Variants in ADAMTSL1 observed in about 807,000 individuals in gnomAD.
ADAMTSL1 encodes ADAMTS like 1, also known as ADAMTS-like protein 1.
A neutral mutation model predicts 201.8 loss-of-function variants in ADAMTSL1; 126 were observed. The observed-to-expected ratio is 0.62, with a 90% CI of 0.54 to 0.72. ADAMTSL1 has a LOEUF of 0.72. Ranked by LOEUF, ADAMTSL1 falls within the 30% of genes least tolerant of loss-of-function variation. The pLI is 0.00. For missense variants in ADAMTSL1, 2,679 were observed against 2,277.8 expected (o/e 1.18, Z -3.59); for synonymous variants, 1,121 against 903.4 (o/e 1.24, Z -4.32).
chr9:17,957,750 G>C (rs962347019), intron 1 of ADAMTSL1, among the ~76,000 whole-genome samples: 3 of 152,158 alleles, frequency 2.0e-5, no homozygotes, highest in African/African-American at 7.2e-5. Context: ...TGTAAGAAGA[G>C]GAGCAGACAT....
intron 2 of ADAMTSL1, among the ~76,000 whole-genome samples, chr9:18,171,931 T>C (rs1293650248): frequency 2.0e-5 from 3 of 152,102 alleles, no homozygotes; most frequent in African/African-American, 7.2e-5. Context: ...ATTTATTAAA[T>C]AGGGAATCCT....
At chr9:18,233,161 G>A (rs987077318) in intron 2 of ADAMTSL1, among the ~76,000 whole-genome samples, 53 of 152,174 alleles carry the variant, frequency 3.5e-4, no homozygotes, top group African/African-American at 1.1e-3. Flanking sequence ...CTTAGATTGC[G>A]GCACACACAC....
At chr9:18,405,488 G>T (rs1390031316) in intron 2 of ADAMTSL1, among the ~76,000 whole-genome samples, 1 of 152,122 alleles carries the variant, frequency 6.6e-6, no homozygotes, top group Non-Finnish European at 1.5e-5. Context: ...TACAGGTTTG[G>T]CATTGGGCCA....
intron 10 of ADAMTSL1, among the ~76,000 whole-genome samples, chr9:18,676,960 C>T (rs1156980708): frequency 6.6e-6 from 1 of 152,020 alleles, no homozygotes; most frequent in Admixed American, 6.6e-5. Context: ...ACAATCACAA[C>T]CATATACCAC....
At chr9:18,179,640 C>T (rs1485289211) in intron 2 of ADAMTSL1, among the ~76,000 whole-genome samples, 4 of 151,972 alleles carry the variant, frequency 2.6e-5, no homozygotes, top group Non-Finnish European at 5.9e-5. Flanking sequence ...GGTGGGTTAC[C>T]CTCAAAGGGA....
At chr9:18,811,798 G>C (rs1369672019) in intron 20 of ADAMTSL1, among the ~76,000 whole-genome samples, 3 of 152,128 alleles carry the variant, frequency 2.0e-5, no homozygotes, top group Non-Finnish European at 2.9e-5. Context: ...ATAGAGACTG[G>C]AAACAAAGAA....
At chr9:18,661,253 C>T (rs1269592086) in intron 8 of ADAMTSL1, among the ~76,000 whole-genome samples, 4 of 152,056 alleles carry the variant, frequency 2.6e-5, no homozygotes, top group South Asian at 2.1e-4. Context: ...AAGAAATATT[C>T]GCTAGAGACT....
intron 2 of ADAMTSL1, among the ~76,000 whole-genome samples, chr9:18,252,774 G>T (rs893988530): frequency 6.6e-6 from 1 of 152,112 alleles, no homozygotes; most frequent in Non-Finnish European, 1.5e-5. Flanking sequence ...TAGGAAATGA[G>T]CATCTTAAAT....
chr9:18,180,851 A>C (rs1250026140), intron 2 of ADAMTSL1, among the ~76,000 whole-genome samples: 1 of 152,184 alleles, frequency 6.6e-6, no homozygotes, highest in Non-Finnish European at 1.5e-5. Context: ...CAAAAGAACA[A>C]AGCTGGAGGC....
At chr9:18,755,007 C>A (rs1458232622) in intron 16 of ADAMTSL1, among the ~76,000 whole-genome samples, 1 of 152,172 alleles carries the variant, frequency 6.6e-6, no homozygotes, top group African/African-American at 2.4e-5. Flanking sequence ...CTGAGGCAAA[C>A]ACAGCTAGCA....
chr9:18,602,626 C>A (rs191900488), intron 4 of ADAMTSL1, among the ~76,000 whole-genome samples: 2 of 152,302 alleles, frequency 1.3e-5, no homozygotes, highest in East Asian at 3.9e-4. Context: ...CAACCCTTCC[C>A]AGGTTGTTGA....
intron 11 of ADAMTSL1, 188 bp downstream of exon 11, chr9:18,680,704 A>G (rs1265068645): frequency 3.2e-6 from 2 of 621,164 alleles, no homozygotes; most frequent in Admixed American, 6.1e-5. Flanking sequence ...TGTTTTTTTA[A>G]AGTGTCTTTC....
intron 1 of ADAMTSL1, among the ~76,000 whole-genome samples, chr9:17,996,177 T>TC (rs950968949): frequency 6.7e-6 from 1 of 148,342 alleles, no homozygotes; most frequent in Non-Finnish European, 1.5e-5. Flanking sequence ...TTTTTTTTTT[T>TC]CAAAATATTT....
intron 2 of ADAMTSL1, among the ~76,000 whole-genome samples, chr9:18,291,916 C>G (rs1281516060): frequency 6.6e-6 from 1 of 152,072 alleles, no homozygotes; most frequent in Non-Finnish European, 1.5e-5. Flanking sequence ...CGCTTTGCAG[C>G]CAATGTTGTT....
At chr9:18,124,860 A>G (rs1182222103) in intron 1 of ADAMTSL1, among the ~76,000 whole-genome samples, 1 of 152,144 alleles carries the variant, frequency 6.6e-6, no homozygotes, top group Non-Finnish European at 1.5e-5. Context: ...TCCTTTGAGA[A>G]TGTTAAGGAA....
intron 8 of ADAMTSL1, among the ~76,000 whole-genome samples, chr9:18,659,625 G>T (rs1828935308): frequency 1.3e-5 from 2 of 152,144 alleles, no homozygotes; most frequent in Non-Finnish European, 2.9e-5. Context: ...AAATTAGCTG[G>T]GTGTGGTGGC....
At chr9:18,077,703 A>C (rs1330694557) in intron 1 of ADAMTSL1, among the ~76,000 whole-genome samples, 6 of 152,122 alleles carry the variant, frequency 3.9e-5, no homozygotes, top group Non-Finnish European at 8.8e-5. Context: ...AAATAAGAGA[A>C]ATGGAAAAAG....
chr9:18,376,500 T>A (rs1057101866), intron 2 of ADAMTSL1, among the ~76,000 whole-genome samples: 1 of 151,928 alleles, frequency 6.6e-6, no homozygotes, highest in Admixed American at 6.6e-5. Flanking sequence ...AGAAAGCAGA[T>A]GTAATAGAAA....
intron 2 of ADAMTSL1, among the ~76,000 whole-genome samples, chr9:18,288,597 G>A (rs903904568): frequency 2.0e-5 from 3 of 151,982 alleles, no homozygotes; most frequent in African/African-American, 7.3e-5. Context: ...AAGCCAGGAA[G>A]GCAAGAAGGC....
Sources: gnomAD v4.1 joint callset for allele counts (sites outside exome capture counted in the v4.1 genomes callset) on GRCh38, gnomAD v4.1.1 for gene constraint, MANE v1.5 for transcripts, NCBI Gene and HGNC (gene_info 2026-07-23, HGNC 2026-07-21) for gene names.